The following GALNT1 variants were observed in gnomAD, a reference collection of about 807,000 sequenced individuals.
GALNT1 encodes GalNAc transferase 1.
A neutral mutation model predicts 65.7 loss-of-function variants in GALNT1; 17 were observed. The ratio of observed to expected loss-of-function variants is 0.26; its 90% confidence interval spans 0.18 to 0.39. The LOEUF (loss-of-function observed/expected upper bound fraction) is 0.39, where lower values mean the gene tolerates loss of function less well. Among genes scored for constraint, GALNT1 ranks in the 10% least tolerant of loss-of-function variants. The pLI is 1.00. For missense variants in GALNT1, 460 were observed against 672.8 expected (o/e 0.68, Z 3.50); for synonymous variants, 210 against 219.7 (o/e 0.96, Z 0.39).
chr18:35,618,330 A>G (rs1360857292), intron 1 of GALNT1, among the ~76,000 whole-genome samples: 1 of 152,036 alleles, frequency 6.6e-6, no homozygotes, highest in African/African-American at 2.4e-5. Flanking sequence ...ATTCCTCTTG[A>G]ATTTATGGTT....
At chr18:35,673,320 C>T (rs1302538922) in intron 3 of GALNT1, among the ~76,000 whole-genome samples, 1 of 152,162 alleles carries the variant, frequency 6.6e-6, no homozygotes, top group African/African-American at 2.4e-5. Flanking sequence ...TTCTTTCATA[C>T]TATAGTTCTT....
At chr18:35,653,634 A>G (rs1168998206) in intron 1 of GALNT1, among the ~76,000 whole-genome samples, 1 of 152,178 alleles carries the variant, frequency 6.6e-6, no homozygotes, top group African/African-American at 2.4e-5. Context: ...TGAGCAGGAG[A>G]TTCTCTACCT....
chr18:35,611,994 T>G (rs2046724246), intron 1 of GALNT1, among the ~76,000 whole-genome samples: 1 of 152,186 alleles, frequency 6.6e-6, no homozygotes, highest in Non-Finnish European at 1.5e-5. Context: ...GTGTCCTCAT[T>G]ACCATCATTA....
chr18:35,689,421 A>G (rs2047920740), intron 7 of GALNT1, 131 bp downstream of exon 7: 1 of 617,160 alleles, frequency 1.6e-6, no homozygotes, highest in Admixed American at 3.4e-5. Context: ...CAGAGCCTTC[A>G]GTCCATAAAA....
At chr18:35,639,023 AGGAT>A (rs2047128630) in intron 1 of GALNT1, among the ~76,000 whole-genome samples, 1 of 152,354 alleles carries the variant, frequency 6.6e-6, no homozygotes, top group South Asian at 2.1e-4. Context: ...GCTCCTTGTG[AGGAT>A]GCTATGAACA....
At chr18:35,692,654 A>AT (rs1773221709) in intron 9 of GALNT1, among the ~76,000 whole-genome samples, 1 of 151,950 alleles carries the variant, frequency 6.6e-6, no homozygotes, top group African/African-American at 2.4e-5. Context: ...CTGTATATAT[A>AT]TTAAAAAAAA....
intron 9 of GALNT1, among the ~76,000 whole-genome samples, chr18:35,693,460 A>G (rs994887776): frequency 3.3e-5 from 5 of 152,218 alleles, no homozygotes; most frequent in Non-Finnish European, 2.9e-5. Flanking sequence ...TCTGAATCAA[A>G]TGGAAGCTAT....
rs1485133291 is a variant in GALNT1 at position 35,710,077 on chromosome 18, T to C, written c.*307T>C. 3 of 257,814 alleles carry C rather than the reference T, an allele frequency of 1.2e-5. No homozygotes were observed. The highest frequency in any genetic ancestry group is 2.3e-5 in the Non-Finnish European group (3 of 132,588). The allele number at this position is 257,814 out of a possible 1,614,324, so 16.0% of individuals were successfully genotyped here. ...ACAATGAAAAAAAATCAACAAAATA[T>C]GCTTTCTGGAGAACTGTACCTTTTA... On this transcript the variant is annotated 3_prime_UTR_variant, in exon 12 of 12. Coordinates refer to ENST00000269195, the MANE Select transcript of GALNT1 (RefSeq NM_020474.4).
intron 1 of GALNT1, among the ~76,000 whole-genome samples, chr18:35,645,204 T>C (rs2047213764): frequency 6.7e-6 from 1 of 149,450 alleles, no homozygotes; most frequent in Non-Finnish European, 1.5e-5. Context: ...TGGGTTTTCA[T>C]AGCTATTTTG....
chr18:35,608,612 A>T (rs555803284), intron 1 of GALNT1, among the ~76,000 whole-genome samples: 1 of 152,282 alleles, frequency 6.6e-6, no homozygotes, highest in Non-Finnish European at 1.5e-5. Context: ...TCTATTATGT[A>T]CTCTAGGTGT....
intron 1 of GALNT1, among the ~76,000 whole-genome samples, chr18:35,583,759 A>G (rs755231448): frequency 6.6e-6 from 1 of 152,164 alleles, no homozygotes; most frequent in Non-Finnish European, 1.5e-5. Context: ...AGGCAAGGTA[A>G]TTCTCATGAC....
At chr18:35,631,769 C>T (rs1036811681) in intron 1 of GALNT1, among the ~76,000 whole-genome samples, 32 of 152,280 alleles carry the variant, frequency 2.1e-4, no homozygotes, top group Admixed American at 1.3e-3. Context: ...GTCAAATTGT[C>T]CCTGTTTGCA....
At chr18:35,668,388 T>TA (rs754847107) in intron 3 of GALNT1, among the ~76,000 whole-genome samples, 2 of 152,144 alleles carry the variant, frequency 1.3e-5, no homozygotes, top group Admixed American at 6.6e-5. Flanking sequence ...AATTATAAAG[T>TA]AGAATACAAA....
intron 1 of GALNT1, among the ~76,000 whole-genome samples, chr18:35,632,105 G>A (rs1327758821): frequency 2.0e-5 from 3 of 152,166 alleles, no homozygotes; most frequent in Non-Finnish European, 2.9e-5. Context: ...AAGCAATATT[G>A]TGAAAATGGC....
intron 1 of GALNT1, among the ~76,000 whole-genome samples, chr18:35,624,941 G>C (rs2046897453): frequency 6.6e-6 from 1 of 151,978 alleles, no homozygotes; most frequent in African/African-American, 2.4e-5. Flanking sequence ...ATAACATTAA[G>C]CCACATAAAG....
At chr18:35,691,236 T>A in intron 8 of GALNT1, 44 bp downstream of exon 8, 1 of 1,514,810 alleles carries the variant, frequency 6.6e-7, no homozygotes, top group Non-Finnish European at 8.9e-7. Flanking sequence ...GTACCTTTGT[T>A]GACCCTGATC....
At chr18:35,611,449 GAA>G (rs773589921) in intron 1 of GALNT1, among the ~76,000 whole-genome samples, 1 of 152,166 alleles carries the variant, frequency 6.6e-6, no homozygotes, top group East Asian at 1.9e-4. Context: ...AAGTCAGTAA[GAA>G]AATTTGCTAT....
chr18:35,605,419 A>G (rs2046633767), intron 1 of GALNT1, among the ~76,000 whole-genome samples: 1 of 151,432 alleles, frequency 6.6e-6, no homozygotes, highest in South Asian at 2.1e-4. Flanking sequence ...AATTGCTTGA[A>G]CTGAGGAGGC....
chr18:35,678,337 G>T (rs576981942), intron 4 of GALNT1, among the ~76,000 whole-genome samples: 3 of 142,784 alleles, frequency 2.1e-5, no homozygotes, highest in Admixed American at 7.1e-5. Context: ...AATCTCTACA[G>T]ACTCTTGCCC....
Sources: gnomAD v4.1 joint callset for allele counts (sites outside exome capture counted in the v4.1 genomes callset) on GRCh38, gnomAD v4.1.1 for gene constraint, MANE v1.5 for transcripts, NCBI Gene and HGNC (gene_info 2026-07-23, HGNC 2026-07-21) for gene names.